Variants in DPYS observed in about 807,000 individuals in gnomAD.
DPYS encodes the protein dihydropyrimidinase.
A neutral mutation model predicts 50.3 loss-of-function variants in DPYS; 39 were observed. The ratio of observed to expected loss-of-function variants is 0.78; its 90% CI spans 0.60 to 1.01. The LOEUF (loss-of-function observed/expected upper bound fraction) is 1.01. DPYS is among the 50% of genes least tolerant of loss of function. DPYS has a pLI of 0.00. For missense variants in DPYS, 659 were observed against 680.9 expected, an observed-to-expected ratio of 0.97 and a Z score of 0.36; for synonymous variants, 245 against 250.7, an observed-to-expected ratio of 0.98 and a Z score of 0.22.
At chr8:104,414,241 T>C (rs892153278) in intron 7 of DPYS, among the ~76,000 whole-genome samples, 1 of 152,194 alleles carries the variant, frequency 6.6e-6, no homozygotes, top group African/African-American at 2.4e-5. Context: ...TATAGAGAAC[T>C]CCATTTGGGG....
intron 4 of DPYS, among the ~76,000 whole-genome samples, chr8:104,431,674 A>G (rs903103870): frequency 2.0e-5 from 3 of 152,138 alleles, no homozygotes; most frequent in Non-Finnish European, 4.4e-5. Context: ...CAATAAAAAT[A>G]GCTAACACAT....
chr8:104,405,889 T>C (rs1392435967), intron 7 of DPYS, among the ~76,000 whole-genome samples: 1 of 152,220 alleles, frequency 6.6e-6, no homozygotes, highest in Admixed American at 6.5e-5. Context: ...AGCCAGATGC[T>C]CCGGGATCTG....
chr8:104,412,551 A>G (rs1258507941), intron 7 of DPYS, among the ~76,000 whole-genome samples: 1 of 152,160 alleles, frequency 6.6e-6, no homozygotes, highest in East Asian at 1.9e-4. Flanking sequence ...GTGTCGCCTC[A>G]GGGGACTGGA....
At chr8:104,384,117 G>A (rs967963428) in intron 8 of DPYS, among the ~76,000 whole-genome samples, 3 of 152,166 alleles carry the variant, frequency 2.0e-5, no homozygotes, top group African/African-American at 4.8e-5. Context: ...GGCCATGGAT[G>A]GGAGCCACAC....
At chr8:104,397,386 G>A (rs1035948349) in intron 7 of DPYS, among the ~76,000 whole-genome samples, 1 of 152,182 alleles carries the variant, frequency 6.6e-6, no homozygotes, top group African/African-American at 2.4e-5. Flanking sequence ...TTTATGTGAT[G>A]ATCAAATTAA....
chr8:104,466,880 A>T lies in DPYS; in HGVS notation c.41T>A (p.Val14Glu). The T allele has an allele frequency of 1.3e-6, 2 of 1,514,044 alleles. No individual in the cohort carries two copies. Among genetic ancestry groups the T allele is most frequent in the Non-Finnish European group, 1.8e-6 (2 of 1,137,236 alleles). The allele number at this position is 1,514,044 out of a possible 1,614,324, so 93.8% of individuals were successfully genotyped here. Residue 14 changes from valine to glutamate, a missense_variant, in exon 1 of 10, where the codon GTG (valine) becomes GAG (glutamate). By Grantham distance (121) the Val-to-Glu change is moderately radical (BLOSUM62 -2). Coordinates refer to ENST00000351513, the MANE Select transcript of DPYS (RefSeq NM_001385.3). ...PSRLLIRGGR[V>E]VNDDFSEVAD... ...CACCTCCGAGAAGTCATCGTTGACC[A>T]CGCGACCCCCGCGGATCAGGAGCCG... is the stretch of plus-strand genomic sequence containing the variant.
At chr8:104,416,549 C>A in intron 7 of DPYS, among the ~76,000 whole-genome samples, 1 of 152,042 alleles carries the variant, frequency 6.6e-6, no homozygotes, top group Non-Finnish European at 1.5e-5. Flanking sequence ...TGGGGAGTGG[C>A]GGGCGCGTTA....
intron 4 of DPYS, among the ~76,000 whole-genome samples, chr8:104,430,247 T>C (rs1639046132): frequency 6.6e-6 from 1 of 152,068 alleles, no homozygotes; most frequent in Admixed American, 6.6e-5. Context: ...TTGATAATCT[T>C]TTCATGCCCT....
At chr8:104,438,641 T>G (rs1813235299) in intron 4 of DPYS, among the ~76,000 whole-genome samples, 1 of 152,144 alleles carries the variant, frequency 6.6e-6, no homozygotes, top group African/African-American at 2.4e-5. Context: ...AGTTCTAAAT[T>G]TTAGACTTAA....
chr8:104,442,549 T>C (rs1388613254), intron 4 of DPYS, among the ~76,000 whole-genome samples: 2 of 152,222 alleles, frequency 1.3e-5, no homozygotes, highest in South Asian at 2.1e-4. Flanking sequence ...GCAGTACTTA[T>C]ATTTTCTTTT....
chr8:104,405,167 T>A (rs1004501997), intron 7 of DPYS, among the ~76,000 whole-genome samples: 1 of 152,212 alleles, frequency 6.6e-6, no homozygotes, highest in African/African-American at 2.4e-5. Context: ...CCACTATCCA[T>A]GAAGCATCTC....
chr8:104,424,016 CA>C (rs1359744864), intron 7 of DPYS: 8 of 985,294 alleles, frequency 8.1e-6, no homozygotes, highest in Non-Finnish European at 8.4e-6. Flanking sequence ...GTTTTATATA[CA>C]GATCCATTGT....
chr8:104,406,586 T>C (rs372320537), intron 7 of DPYS, among the ~76,000 whole-genome samples: 7 of 152,220 alleles, frequency 4.6e-5, no homozygotes, highest in Admixed American at 4.6e-4. Flanking sequence ...GGTCTTCATC[T>C]TTCCCTGTGG....
intron 7 of DPYS, among the ~76,000 whole-genome samples, chr8:104,395,530 T>C (rs1304444686): frequency 6.6e-6 from 1 of 152,190 alleles, no homozygotes; most frequent in Non-Finnish European, 1.5e-5. Context: ...AGTTTTCTCT[T>C]TTCAAGACTG....
chr8:104,407,672 G>A (rs962131909), intron 7 of DPYS, among the ~76,000 whole-genome samples: 16 of 152,182 alleles, frequency 1.1e-4, no homozygotes, highest in African/African-American at 3.6e-4. Context: ...AACAACGTTT[G>A]CCATATTTTA....
intron 7 of DPYS, among the ~76,000 whole-genome samples, chr8:104,406,653 A>G (rs547788997): frequency 6.6e-6 from 1 of 152,090 alleles, no homozygotes; most frequent in Non-Finnish European, 1.5e-5. Flanking sequence ...CTTCACCTCC[A>G]TCTTCCCTTC....
chr8:104,424,759 C>G (rs1031335896), intron 6 of DPYS, among the ~76,000 whole-genome samples: 3 of 151,638 alleles, frequency 2.0e-5, no homozygotes, highest in Admixed American at 6.6e-5. Flanking sequence ...TATTACAGAC[C>G]TAAGATTTAT....
Position 104,381,224 on chromosome 8 carries a change from C to T in DPYS, c.1534G>A (p.Gly512Arg), listed in dbSNP as rs1811020563. The T allele has an allele frequency of 1.2e-6, 2 of 1,614,132 alleles. No individual in the cohort carries two copies. The highest frequency in any genetic ancestry group is 4.5e-5 in the East Asian group (2 of 44,876). Residue 512 changes from glycine (G) to arginine (R), a missense_variant, in exon 9 of 10, where the codon GGG becomes AGG. By Grantham distance (125) the Gly-to-Arg change is moderately radical (BLOSUM62 -2). Transcript: ENST00000351513. ...CAGGGGTGGGCCTGTTTCCTGGTCC[C>T]TGCTGTGGCATCTTCTTTTGTCACT... is the stretch of plus-strand genomic sequence containing the variant. ...SRVTKEDATA[G>R]TRKQAHP
chr8:104,444,551 G>GGTGT, intron 3 of DPYS, 114 bp from the exon 4 acceptor site: 1 of 1,134,562 alleles, frequency 8.8e-7, no homozygotes, highest in Non-Finnish European at 1.3e-6. Flanking sequence ...TAGGTATAGG[G>GGTGT]GTGTGTGTGT....
Sources: allele counts gnomAD v4.1 joint callset (sites outside exome capture counted in the v4.1 genomes callset), GRCh38; gene constraint gnomAD v4.1.1; transcripts MANE v1.5; gene names NCBI Gene and HGNC (gene_info 2026-07-23, HGNC 2026-07-21).